The following PUDP variants were observed in gnomAD, a reference collection of about 807,000 sequenced individuals.
PUDP encodes the protein pseudouridine 5'-phosphatase, also known as pseudouridine-5'-phosphatase.
A neutral mutation model predicts 9.4 loss-of-function variants in PUDP; 8 were observed. That is an observed-to-expected ratio of 0.85 (90% CI 0.50 to 1.53). The LOEUF (loss-of-function observed/expected upper bound fraction) is 1.53. PUDP is among the 40% of genes most tolerant of loss of function. The pLI, the probability that PUDP is intolerant of heterozygous loss-of-function variation, is 0.00. For synonymous variants in PUDP, 99 were observed against 80.7 expected (o/e 1.23, Z -1.22); for missense variants, 188 against 189.7 (o/e 0.99, Z 0.05).
At chrX:7,119,267 TTAA>T (rs1314572010) in intron 1 of PUDP, among the ~76,000 whole-genome samples, 1 of 112,659 alleles carries the variant, frequency 8.9e-6, no homozygotes, top group East Asian at 2.8e-4. Flanking sequence ...TTGCAAGTTG[TTAA>T]CACGCTGTGA....
intron 1 of PUDP, among the ~76,000 whole-genome samples, chrX:6,708,855 G>A (rs1055322899): frequency 9.0e-6 from 1 of 111,497 alleles, no homozygotes; most frequent in Non-Finnish European, 1.9e-5. Context: ...CTGTCTTCCT[G>A]CCACACCCTC....
intron 3 of PUDP, among the ~76,000 whole-genome samples, chrX:6,807,853 T>C (rs1199244326): frequency 8.9e-6 from 1 of 112,167 alleles, no homozygotes; most frequent in Non-Finnish European, 1.9e-5. Context: ...CATAAGCAGA[T>C]AGATGGAAAT....
chrX:6,851,636 C>A (rs1458841355), intron 3 of PUDP, among the ~76,000 whole-genome samples: 1 of 111,870 alleles, frequency 8.9e-6, no homozygotes, highest in Non-Finnish European at 1.9e-5. Flanking sequence ...ATGTAACACA[C>A]AATGATAAAC....
At chrX:7,019,725 T>A (rs1929603342) in intron 1 of PUDP, among the ~76,000 whole-genome samples, 1 of 111,627 alleles carries the variant, frequency 9.0e-6, no homozygotes, top group Admixed American at 9.6e-5. Context: ...GCTTCTGCAC[T>A]CCATCCGGGG....
At chrX:7,047,097 C>G (rs1929992557), downstream of PUDP, among the ~76,000 whole-genome samples, 1 of 112,045 alleles carries the variant, frequency 8.9e-6, no homozygotes, top group South Asian at 3.6e-4. Flanking sequence ...TCACAAACAA[C>G]TTAGGTCAAA....
At chrX:7,137,351 G>C (rs1209589642) in intron 1 of PUDP, among the ~76,000 whole-genome samples, 3 of 106,418 alleles carry the variant, frequency 2.8e-5, no homozygotes, top group African/African-American at 1.0e-4. Context: ...GACCATCCTG[G>C]CTAACATGGT....
At chrX:7,106,975 C>T (rs1433932369) in intron 1 of PUDP, among the ~76,000 whole-genome samples, 5 of 111,995 alleles carry the variant, frequency 4.5e-5, no homozygotes, top group African/African-American at 1.6e-4. Flanking sequence ...AGAAGGCTAT[C>T]CCAAGGCCTG....
intron 1 of PUDP, among the ~76,000 whole-genome samples, chrX:6,991,520 A>G (rs933746084): frequency 3.6e-5 from 4 of 110,052 alleles, no homozygotes; most frequent in Non-Finnish European, 7.6e-5. Context: ...TCTATAAAAA[A>G]TTTAAAAATT....
intron 1 of PUDP, among the ~76,000 whole-genome samples, chrX:7,136,548 T>C (rs1602836587): frequency 8.9e-6 from 1 of 112,544 alleles, no homozygotes; most frequent in Non-Finnish European, 1.9e-5. Context: ...TTAACTGGCA[T>C]TCTTCTGTAA....
At chrX:6,866,805 G>T (rs757678564) in intron 3 of PUDP, among the ~76,000 whole-genome samples, 3 of 112,032 alleles carry the variant, frequency 2.7e-5, no homozygotes, top group South Asian at 7.5e-4. Flanking sequence ...TAACAAGATA[G>T]ATGAGATTCC....
chrX:6,981,634 T>C (rs767748664), intron 1 of PUDP, among the ~76,000 whole-genome samples: 1 of 111,824 alleles, frequency 8.9e-6, no homozygotes, highest in Admixed American at 9.5e-5. Flanking sequence ...ATTTTCCCTA[T>C]GTTTTAAGGG....
chrX:7,081,393 T>C (rs1405338335), intron 2 of PUDP, among the ~76,000 whole-genome samples: 1 of 112,189 alleles, frequency 8.9e-6, no homozygotes, highest in African/African-American at 3.2e-5. Flanking sequence ...CTTCAAGTAA[T>C]CCTCTTGCCT....
chrX:7,021,984 A>G (rs927425318), intron 1 of PUDP, among the ~76,000 whole-genome samples: 6 of 112,095 alleles, frequency 5.4e-5, no homozygotes, highest in African/African-American at 1.9e-4. Flanking sequence ...ATCCCTTGCC[A>G]TTGTCAGCAT....
chrX:6,847,559 T>A (rs1231055241), intron 3 of PUDP, among the ~76,000 whole-genome samples: 1 of 112,315 alleles, frequency 8.9e-6, no homozygotes, highest in Non-Finnish European at 1.9e-5. Flanking sequence ...TTATCAACCT[T>A]AAAATCATAT....
intron 3 of PUDP, among the ~76,000 whole-genome samples, chrX:6,763,165 G>C (rs1436100168): frequency 8.9e-6 from 1 of 112,135 alleles, no homozygotes; most frequent in African/African-American, 3.2e-5. Flanking sequence ...GAGGTGGGTG[G>C]ATCAGTTGAG....
At chrX:6,852,457 CAGG>C (rs1446126068) in intron 3 of PUDP, among the ~76,000 whole-genome samples, 1 of 111,691 alleles carries the variant, frequency 9.0e-6, no homozygotes, top group Non-Finnish European at 1.9e-5. Flanking sequence ...TAGGGCTCAC[CAGG>C]AAAAGGACAA....
intron 3 of PUDP, among the ~76,000 whole-genome samples, chrX:6,816,913 T>TG (rs762890027): frequency 0.011 from 1,045 of 93,984 alleles, 6 homozygotes; most frequent in African/African-American, 0.016. Flanking sequence ...ATATACTATA[T>TG]AGTATATATA....
chrX:6,800,449 A>T (rs1925913383), intron 3 of PUDP, among the ~76,000 whole-genome samples: 1 of 111,670 alleles, frequency 9.0e-6, no homozygotes, highest in Non-Finnish European at 1.9e-5. Context: ...TATTGCACTT[A>T]AAAAGGGGCT....
At chrX:6,937,327 G>A (rs1457191711) in intron 3 of PUDP, among the ~76,000 whole-genome samples, 93 of 105,137 alleles carry the variant, frequency 8.8e-4, no homozygotes, top group African/African-American at 1.7e-3. Context: ...AAATAACGCC[G>A]CATATCTACA....
Sources: gnomAD v4.1 joint callset for allele counts (sites outside exome capture counted in the v4.1 genomes callset) on GRCh38, gnomAD v4.1.1 for gene constraint, MANE v1.5 for transcripts, NCBI Gene and HGNC (gene_info 2026-07-23, HGNC 2026-07-21) for gene names.